The following NRP1 variants were observed in gnomAD, a reference collection of about 807,000 sequenced individuals.
NRP1 encodes the protein neuropilin-1.
In NRP1, 35 loss-of-function variants were observed where a neutral mutation model predicts 106.7. The ratio of observed to expected loss-of-function variants is 0.33; its 90% CI spans 0.25 to 0.43. NRP1 has a LOEUF of 0.43. NRP1 is among the 20% of genes least tolerant of loss of function. The probability of loss-of-function intolerance (pLI) is 1.00; values close to 1 mark genes in which losing one functional copy is unlikely to be tolerated. For missense variants in NRP1, 1,024 were observed against 1,170.4 expected (o/e 0.87, Z 1.83); for synonymous variants, 437 against 417.9 (o/e 1.05, Z -0.56).
At chr10:33,258,233 A>G (rs1295902274) in intron 4 of NRP1, among the ~76,000 whole-genome samples, 1 of 152,216 alleles carries the variant, frequency 6.6e-6, no homozygotes, top group South Asian at 2.1e-4. Flanking sequence ...CTCTTGGCCA[A>G]TTCTCTTTAA....
chr10:33,182,857 ACACAC>A (rs1179985775), intron 15 of NRP1, 109 bp from the exon 16 acceptor site: 1 of 792,226 alleles, frequency 1.3e-6, no homozygotes, highest in East Asian at 2.5e-5. Context: ...ACACACACAC[ACACAC>A]GTGTCTACTG....
intron 1 of NRP1, 62 bp downstream of exon 1, chr10:33,334,248 T>TCCGGGGCGGGCAGCTGGGAG: frequency 6.8e-7 from 1 of 1,459,860 alleles, no homozygotes; most frequent in Non-Finnish European, 9.3e-7. Flanking sequence ...TGAGCCCCGG[T>TCCGGGGCGGGCAGCTGGGAG]CCGGGGCGGG....
At chr10:33,187,440 C>T (rs1390758865) in intron 13 of NRP1, among the ~76,000 whole-genome samples, 1 of 152,026 alleles carries the variant, frequency 6.6e-6, no homozygotes, top group African/African-American at 2.4e-5. Context: ...CTTAAACACA[C>T]CTGAGAGCTT....
At chr10:33,252,355 A>G (rs372480642) in intron 6 of NRP1, among the ~76,000 whole-genome samples, 10 of 152,128 alleles carry the variant, frequency 6.6e-5, no homozygotes, top group African/African-American at 2.2e-4. Flanking sequence ...TGTCCTTGTG[A>G]TAAGGAAGGG....
intron 8 of NRP1, among the ~76,000 whole-genome samples, chr10:33,217,770 G>A (rs1387547629): frequency 6.6e-6 from 1 of 152,166 alleles, no homozygotes; most frequent in East Asian, 1.9e-4. Flanking sequence ...TGGCAGCCTT[G>A]TTTGGAAAGC....
At chr10:33,250,885 G>A (rs1217143773) in intron 6 of NRP1, among the ~76,000 whole-genome samples, 2 of 152,102 alleles carry the variant, frequency 1.3e-5, no homozygotes, top group African/African-American at 4.8e-5. Flanking sequence ...AGCCAGGTGG[G>A]GCCACAGCTT....
At chr10:33,280,238 G>T (rs1211485467) in intron 2 of NRP1, among the ~76,000 whole-genome samples, 1 of 152,056 alleles carries the variant, frequency 6.6e-6, no homozygotes, top group Admixed American at 6.6e-5. Context: ...CCTTCACATG[G>T]GAAAATATTT....
chr10:33,328,710 T>C (rs1010708471), intron 2 of NRP1, among the ~76,000 whole-genome samples: 5 of 152,172 alleles, frequency 3.3e-5, no homozygotes, highest in African/African-American at 1.2e-4. Context: ...CATGGTTAGT[T>C]TGAAATTGGC....
chr10:33,306,355 G>GATGTGTGTGTGTGT (rs111324912), intron 2 of NRP1, among the ~76,000 whole-genome samples: 1 of 148,026 alleles, frequency 6.8e-6, no homozygotes, highest in African/African-American at 2.5e-5. Flanking sequence ...GGGTCAGAAG[G>GATGTGTGTGTGTGT]GTGTGTGTGT....
chr10:33,202,605 T>C, intron 11 of NRP1: 1 of 1,497,976 alleles, frequency 6.7e-7, no homozygotes, highest in African/African-American at 1.4e-5. Flanking sequence ...AAGGATCGGT[T>C]TAGTACATTT....
chr10:33,270,885 A>G, intron 2 of NRP1, 29 bp from the exon 3 acceptor site: 3 of 1,545,214 alleles, frequency 1.9e-6, no homozygotes, highest in Admixed American at 3.8e-5. Flanking sequence ...AGAAAACATT[A>G]GGTTGGTGAG....
chr10:33,310,248 CTTTTTTTT>C (rs35513274), intron 2 of NRP1, among the ~76,000 whole-genome samples: 2 of 80,150 alleles, frequency 2.5e-5, no homozygotes, highest in Non-Finnish European at 4.5e-5. Context: ...TGCGCCCGGC[CTTTTTTTT>C]TTTTTTTTTT....
At chr10:33,320,187 C>T (rs976042905) in intron 2 of NRP1, among the ~76,000 whole-genome samples, 2 of 152,070 alleles carry the variant, frequency 1.3e-5, no homozygotes, top group Non-Finnish European at 2.9e-5. Flanking sequence ...GTGGCGTGTG[C>T]CTGTAGTCCC....
At chr10:33,208,209 C>G (rs2506154) in intron 9 of NRP1, among the ~76,000 whole-genome samples, 10 of 152,046 alleles carry the variant, frequency 6.6e-5, no homozygotes, top group African/African-American at 2.4e-4. Flanking sequence ...TACAGGCATG[C>G]GCCACCACGC....
At chr10:33,221,350 A>G (rs2132889318) in intron 8 of NRP1, among the ~76,000 whole-genome samples, 2 of 152,374 alleles carry the variant, frequency 1.3e-5, no homozygotes, top group South Asian at 4.1e-4. Flanking sequence ...TGGAGCTTAC[A>G]GTCTAGTGGA....
At chr10:33,291,347 A>G (rs1241794962) in intron 2 of NRP1, among the ~76,000 whole-genome samples, 1 of 152,188 alleles carries the variant, frequency 6.6e-6, no homozygotes, top group Non-Finnish European at 1.5e-5. Context: ...CGGAGTTCAC[A>G]TTTACTTTGT....
chr10:33,198,049 A>G (rs1295517720), intron 11 of NRP1, among the ~76,000 whole-genome samples: 1 of 148,626 alleles, frequency 6.7e-6, no homozygotes, highest in Non-Finnish European at 1.5e-5. Context: ...TCACATATGC[A>G]TTACTTCATA....
chr10:33,281,601 T>A lies in NRP1; in HGVS notation c.249-10745A>T, dbSNP rs560130785. On this transcript the variant is annotated intron_variant, in intron 2 of 16. Transcript: ENST00000374867. ...ATCTGGCAGTGAAGTCAGCCAAAAC[T>A]GGATGACTGTGATCTCAGTCAATCT... Among the ~76,000 whole-genome samples the A allele has an allele frequency of 5.3e-5, 8 of 152,260 alleles. No individual in the cohort carries two copies. The South Asian group carries it at 1.7e-3, about 32-fold the overall frequency.
At chr10:33,201,113 A>T (rs1169978927) in intron 11 of NRP1, 1 of 152,184 alleles carries the variant, frequency 6.6e-6, no homozygotes, top group African/African-American at 2.4e-5. Context: ...GTAAAGCAAA[A>T]CCTTATAGTT....
Sources: allele counts gnomAD v4.1 joint callset (sites outside exome capture counted in the v4.1 genomes callset), GRCh38; gene constraint gnomAD v4.1.1; transcripts MANE v1.5; gene names NCBI Gene and HGNC (gene_info 2026-07-23, HGNC 2026-07-21).